The following PIK3C2G variants were observed in gnomAD, a reference collection of about 807,000 sequenced individuals.
PIK3C2G encodes the protein phosphatidylinositol 3-kinase C2 domain-containing subunit gamma.
A neutral mutation model predicts 181.1 loss-of-function variants in PIK3C2G; 168 were observed. The observed-to-expected ratio is 0.93, with a 90% CI of 0.82 to 1.05. The LOEUF (loss-of-function observed/expected upper bound fraction) is 1.05. PIK3C2G is among the 50% of genes least tolerant of loss of function. The pLI, the probability that PIK3C2G is intolerant of heterozygous loss-of-function variation, is 0.00. For missense variants in PIK3C2G, 1,869 were observed against 1,732.8 expected (o/e 1.08, Z -1.40); for synonymous variants, 573 against 592.2 (o/e 0.97, Z 0.47).
intron 1 of PIK3C2G, among the ~76,000 whole-genome samples, chr12:18,271,576 C>T (rs1303769766): frequency 3.3e-5 from 5 of 152,184 alleles, no homozygotes; most frequent in Admixed American, 2.0e-4. Flanking sequence ...TTACCAGGGC[C>T]ACAAGTGGAC....
chr12:18,640,634 T>C, intron 32 of PIK3C2G, 80 bp downstream of exon 32: 2 of 1,266,586 alleles, frequency 1.6e-6, no homozygotes, highest in South Asian at 2.8e-5. Context: ...TATGGAAAAT[T>C]TGCAGTAATT....
intron 18 of PIK3C2G, among the ~76,000 whole-genome samples, chr12:18,449,155 A>G (rs1186157403): frequency 2.0e-5 from 3 of 151,976 alleles, no homozygotes; most frequent in Non-Finnish European, 4.4e-5. Context: ...GTTTGACCAT[A>G]TATGCTTGCA....
At chr12:18,713,540 C>T in the PIK3C2G span, among the ~76,000 whole-genome samples, 3 of 152,108 alleles carry the variant, frequency 2.0e-5, no homozygotes, top group East Asian at 5.8e-4. Flanking sequence ...GTTGGCTACA[C>T]AGTATGGAAG....
In PIK3C2G at chr12:18,282,412, CCTT is replaced by C. The variant is rs1478796388; in HGVS notation, c.334_336del (p.Ser112del). The stretch of plus-strand genomic sequence containing the variant: ...CAAAGCACCAGCAATTGGTTTTAGT[CCTT>C]CTGTGTTACCAAAACCTCAAAATAC... On this transcript the variant is annotated inframe_deletion, in exon 2 of 33. Coordinates refer to ENST00000538779, the MANE Select transcript of PIK3C2G (RefSeq NM_001288772.2). The C allele has an allele frequency of 6.2e-7, 1 of 1,612,478 alleles. No individual in the cohort carries two copies. Among genetic ancestry groups the C allele is most frequent in the South Asian group, 1.1e-5 (1 of 91,054 alleles).
rs138780659 is a variant in PIK3C2G, at chr12:18,322,068, C to T, written c.1208+1036C>T. ...CTATGTAACAAACCTGCACATCCTG[C>T]ACACGTTTCCCAGAACTTAAAATAA... On this transcript the variant is annotated intron_variant, in intron 7 of 32. Coordinates refer to ENST00000538779, the MANE Select transcript of PIK3C2G (RefSeq NM_001288772.2). Among the ~76,000 whole-genome samples the T allele has an allele frequency of 2.6e-5, 4 of 152,284 alleles. No individual in the cohort carries two copies. In the East Asian group the frequency reaches 7.7e-4, roughly 29 times the overall value.
At chr12:18,651,039 G>T (rs546811771), downstream of PIK3C2G, among the ~76,000 whole-genome samples, 1 of 151,932 alleles carries the variant, frequency 6.6e-6, no homozygotes, top group East Asian at 1.9e-4. Context: ...AAAAGCCCAA[G>T]CCTTTAAAAT....
At chr12:18,700,420 G>A in the PIK3C2G span, among the ~76,000 whole-genome samples, 18 of 148,754 alleles carry the variant, frequency 1.2e-4, no homozygotes, top group Middle Eastern at 3.5e-3. Context: ...GTATGAGTCA[G>A]GCAGATTGGG....
At chr12:18,511,230 G>T (rs1942186988) in intron 24 of PIK3C2G, among the ~76,000 whole-genome samples, 1 of 152,142 alleles carries the variant, frequency 6.6e-6, no homozygotes, top group East Asian at 1.9e-4. Flanking sequence ...TTCATCCATT[G>T]ATGGACATTT....
intron 29 of PIK3C2G, among the ~76,000 whole-genome samples, chr12:18,577,964 T>C (rs751172090): frequency 6.6e-6 from 1 of 152,208 alleles, no homozygotes; most frequent in African/African-American, 2.4e-5. Flanking sequence ...TGTTTATTGA[T>C]TGCCTACATT....
chr12:18,422,662 T>C (rs1565705220), intron 17 of PIK3C2G, among the ~76,000 whole-genome samples: 1 of 151,832 alleles, frequency 6.6e-6, no homozygotes. Context: ...AGGGGGAAAT[T>C]GTAACAGTGG....
chr12:18,681,332 A>G, the PIK3C2G span, among the ~76,000 whole-genome samples: 1 of 152,050 alleles, frequency 6.6e-6, no homozygotes, highest in African/African-American at 2.4e-5. Flanking sequence ...TAAAGTTTAA[A>G]AAATCTTCTG....
In PIK3C2G at chr12:18,282,031, C is replaced by T; in HGVS notation, c.-51C>T. The stretch of plus-strand genomic sequence containing the variant: ...AAATTTCTATCTTCTTTTGTATTAT[C>T]AAGGAGATATTTGGAGCAGAGTCAA... On this transcript the variant is annotated 5_prime_UTR_variant, in exon 2 of 33. It introduces an in-frame stop codon into an upstream open reading frame of the 5' UTR. Transcript: ENST00000538779. 2.9e-6 allele frequency: 3 copies of T among 1,017,980 alleles called. No individual in the cohort carries two copies. The highest frequency in any genetic ancestry group is 2.6e-5 in the East Asian group (1 of 38,286). The allele number at this position is 1,017,980 out of a possible 1,614,324, so 63.1% of individuals were successfully genotyped here.
intron 29 of PIK3C2G, among the ~76,000 whole-genome samples, chr12:18,581,181 C>G (rs906324321): frequency 6.6e-6 from 1 of 152,166 alleles, no homozygotes; most frequent in Non-Finnish European, 1.5e-5. Flanking sequence ...TGAACTTAAA[C>G]TGTAAACTGA....
In PIK3C2G at chr12:18,282,491, A is replaced by T; in HGVS notation, c.410A>T (p.Asp137Val). 1 of 1,612,734 alleles carries T rather than the reference A, an allele frequency of 6.2e-7. No individual in the cohort carries two copies. Among genetic ancestry groups the T allele is most frequent in the East Asian group, 2.2e-5 (1 of 44,848 alleles). Residue 137 changes from aspartate to valine, a missense_variant, in exon 2 of 33, where the codon GAT becomes GTT. Transcript: ENST00000538779. Reference sequence around the variant, plus strand: ...CCCATAGGAAAACATCATGGTGCTGATGATTCCAGATTCAGTATTTTAGCT... The same window carrying T: ...CCCATAGGAAAACATCATGGTGCTGTTGATTCCAGATTCAGTATTTTAGCT... ...GSPIGKHHGADDSRFSILAPS... is the reference protein window; with the variant it reads ...GSPIGKHHGAVDSRFSILAPS...
At chr12:18,687,816 T>G in the PIK3C2G span, among the ~76,000 whole-genome samples, 1 of 152,072 alleles carries the variant, frequency 6.6e-6, no homozygotes, top group Non-Finnish European at 1.5e-5. Context: ...TTCGGTGATA[T>G]GAGAGAAAAC....
At position 18,412,922 on chromosome 12, in the gene PIK3C2G, G is replaced by A. The variant is rs77899746; in HGVS notation, c.2316-8019G>A. On this transcript the variant is annotated intron_variant, in intron 16 of 32. Coordinates refer to ENST00000538779, the MANE Select transcript of PIK3C2G (RefSeq NM_001288772.2). ...ACCATTTCAACTTAATCCTTTGCTT[G>A]GCCCTCCATTTTGTGTTTTACCCTA... is the stretch of plus-strand genomic sequence containing the variant. 7.4e-3 allele frequency among the ~76,000 whole-genome samples: 1,131 copies of A among 152,130 alleles called. 15 individuals are homozygous for A. Among genetic ancestry groups the A allele is most frequent in the African/African-American group, 0.026 (1,095 of 41,502 alleles).
At chr12:18,596,181 G>GT (rs971411330) in intron 30 of PIK3C2G, among the ~76,000 whole-genome samples, 52 of 151,970 alleles carry the variant, frequency 3.4e-4, no homozygotes, top group Admixed American at 3.3e-3. Context: ...TTTGATTTTG[G>GT]TTTTTTCTCT....
At chr12:18,679,364 C>A in the PIK3C2G span, among the ~76,000 whole-genome samples, 1 of 151,904 alleles carries the variant, frequency 6.6e-6, no homozygotes. Flanking sequence ...GAAACCTTTG[C>A]TTATCCCAAG....
At chr12:18,288,729 A>C (rs1042164578) in intron 3 of PIK3C2G, among the ~76,000 whole-genome samples, 3 of 152,186 alleles carry the variant, frequency 2.0e-5, no homozygotes, top group African/African-American at 7.2e-5. Context: ...AACTCTCTTC[A>C]TACTTTAAGA....
Sources: gnomAD v4.1 joint callset for allele counts (sites outside exome capture counted in the v4.1 genomes callset) on GRCh38, gnomAD v4.1.1 for gene constraint, MANE v1.5 for transcripts, NCBI Gene and HGNC (gene_info 2026-07-23, HGNC 2026-07-21) for gene names.